Variants in MLH3 observed in about 807,000 individuals in gnomAD.
The protein encoded by MLH3 is DNA mismatch repair protein Mlh3.
MLH3 carries 82 observed loss-of-function variants against 122.2 expected under a neutral mutation model. The observed-to-expected ratio is 0.67, with a 90% CI of 0.56 to 0.81. The LOEUF (loss-of-function observed/expected upper bound fraction) is 0.81, where lower values mean the gene tolerates loss of function less well. Ranked by LOEUF, MLH3 falls within the 30% of genes least tolerant of loss-of-function variation. The pLI, the probability that MLH3 is intolerant of heterozygous loss-of-function variation, is 0.00. For synonymous variants in MLH3, 524 were observed against 599.5 expected (o/e 0.87, Z 1.84); for missense variants, 1,539 against 1,714.5 (o/e 0.90, Z 1.81).
Position 75,047,375 on chromosome 14 carries a change from A to G in MLH3, c.2281T>C (p.Tyr761His). ...LGSLEKFKRQ[Y>H]GKVENPLDTE... ...TCCAGAGGATTTTCAACCTTCCCAT[A>G]TTGCCTCTTAAACTTCTCTAAAGAT... is the stretch of plus-strand genomic sequence containing the variant. Residue 761 changes from tyrosine (Y) to histidine (H), a missense_variant, in exon 2 of 13, where the codon TAT (tyrosine) becomes CAT (histidine). Tyr to His is a moderately conservative substitution (Grantham distance 83). Transcript: ENST00000355774. The G allele has an allele frequency of 6.2e-7, 1 of 1,614,012 alleles. No individual in the cohort carries two copies. Among genetic ancestry groups the G allele is most frequent in the Non-Finnish European group, 8.5e-7 (1 of 1,179,980 alleles).
At position 75,019,069 on chromosome 14, in the gene MLH3, G is replaced by C. The variant is rs1890093287; in HGVS notation, c.4091-89C>G. The C allele has an allele frequency of 1.7e-5, 20 of 1,206,240 alleles. No homozygotes were observed. In the South Asian group the frequency reaches 2.5e-4, roughly 15 times the overall value. 74.7% of individuals were successfully genotyped at this position (1,206,240 alleles called of 1,614,324 possible). ...GGTCACTGCCAAATATCTGGAAAAAGTAACATGTTTCTTAGGCTTCTTTAA... is the reference window on the plus strand; with the variant it reads ...GGTCACTGCCAAATATCTGGAAAAACTAACATGTTTCTTAGGCTTCTTTAA... On this transcript the variant is annotated intron_variant, in intron 11 of 12. Transcript: ENST00000355774.
chr14:75,019,095 T>A, intron 11 of MLH3, 115 bp from the exon 12 acceptor site: 2 of 970,888 alleles, frequency 2.1e-6, no homozygotes, highest in African/African-American at 1.6e-5. Context: ...GCTTCTTTAA[T>A]GAAGCTTTAA....
Position 75,047,846 on chromosome 14 carries a change from A to G in MLH3, c.1810T>C (p.Cys604Arg). 6.2e-7 allele frequency: 1 copy of G among 1,613,142 alleles called. No individual in the cohort carries two copies. Among genetic ancestry groups the G allele is most frequent in the African/African-American group, 1.3e-5 (1 of 74,996 alleles). Residue 604 changes from cysteine (C) to arginine (R), a missense_variant, in exon 2 of 13, where the codon TGT becomes CGT. Coordinates refer to ENST00000355774, the MANE Select transcript of MLH3 (RefSeq NM_001040108.2). ...ACATGAGTTATAAAGCCAGTGGAAC[A>G]TAATTTAACTCGCCCATAACTAAAA... ...NVFSYGRVKLCSTGFITHVVQ... is the reference protein window; with the variant it reads ...NVFSYGRVKLRSTGFITHVVQ...
intron 12 of MLH3, among the ~76,000 whole-genome samples, chr14:75,018,202 T>C (rs28757055): frequency 3.2e-4 from 48 of 152,330 alleles, no homozygotes; most frequent in African/African-American, 1.0e-3. Context: ...ATTCCTGTTA[T>C]GTTCTCCATG....
rs1455571986 is a variant in MLH3, at chr14:75,047,616, A to G, written c.2040T>C (p.Ser680=). Residue 680 remains serine, a synonymous_variant, in exon 2 of 13, where the codon AGT becomes AGC. Transcript: ENST00000355774. The part of the protein sequence containing the change: ...PNKKNCRTNI[S]YGLENEPTAT... ...CTGTAGGTTCATTCTCTAGCCCATA[A>G]CTTATATTCGTTCTGCAATTTTTTT... The G allele has an allele frequency of 6.2e-7, 1 of 1,613,956 alleles. No homozygotes were observed. Among genetic ancestry groups the G allele is most frequent in the African/African-American group, 1.3e-5 (1 of 74,926 alleles).
chr14:75,033,546 G>T, intron 6 of MLH3, 56 bp from the exon 7 acceptor site: 1 of 1,332,330 alleles, frequency 7.5e-7, no homozygotes, highest in Non-Finnish European at 1.1e-6. Context: ...CAACCATCAT[G>T]TGTGTTGAGG....
chr14:75,032,840 A>AT (rs1242028186), intron 7 of MLH3, among the ~76,000 whole-genome samples: 1 of 150,442 alleles, frequency 6.6e-6, no homozygotes, highest in Non-Finnish European at 1.5e-5. Context: ...GCAAAAAAAA[A>AT]CATTTAAAAA....
intron 6 of MLH3, 31 bp downstream of exon 6, chr14:75,038,309 G>C: frequency 6.7e-7 from 1 of 1,486,754 alleles, no homozygotes; most frequent in Non-Finnish European, 9.4e-7. Context: ...AGACCAGCTG[G>C]TTAATCATTC....
At chr14:75,019,044 G>T in intron 11 of MLH3, 64 bp from the exon 12 acceptor site, 1 of 1,409,568 alleles carries the variant, frequency 7.1e-7, no homozygotes, top group East Asian at 2.3e-5. Context: ...GCTGACCTTG[G>T]GTCACTGCCA....
At chr14:75,024,709 C>T (rs1357866115) in intron 9 of MLH3, among the ~76,000 whole-genome samples, 1 of 152,164 alleles carries the variant, frequency 6.6e-6, no homozygotes, top group Admixed American at 6.5e-5. Context: ...CAGCTTCTTC[C>T]AGAATCACAC....
intron 9 of MLH3, among the ~76,000 whole-genome samples, chr14:75,027,663 G>GAAAA (rs1890720238): frequency 7.7e-5 from 1 of 12,952 alleles, no homozygotes; most frequent in African/African-American, 2.1e-4. Flanking sequence ...ATTTACTTCA[G>GAAAA]TAAAAAAAAA....
chr14:75,016,555 A>C lies in MLH3; in HGVS notation c.*527T>G, dbSNP rs1167633322. 5.0e-6 allele frequency: 1 copy of C among 199,664 alleles called. No homozygotes were observed. The highest frequency in any genetic ancestry group is 2.3e-5 in the African/African-American group (1 of 42,742). 12.4% of individuals were successfully genotyped at this position (199,664 alleles called of 1,614,324 possible). Reference sequence around the variant, plus strand: ...AGAGAATGTTTTCACTGTAGTAGAGAAACTCTTTAAGTCTGAGATGTAGCA... The same window carrying C: ...AGAGAATGTTTTCACTGTAGTAGAGCAACTCTTTAAGTCTGAGATGTAGCA... On this transcript the variant is annotated 3_prime_UTR_variant, in exon 13 of 13. Transcript: ENST00000355774.
At chr14:75,046,179 CAAAAAAA>C (rs138141680) in intron 2 of MLH3, among the ~76,000 whole-genome samples, 190 bp downstream of exon 2, 2 of 53,750 alleles carry the variant, frequency 3.7e-5, no homozygotes, top group Non-Finnish European at 7.9e-5. Context: ...GACTCCGTCT[CAAAAAAA>C]AAAAAAAAAA....
chr14:75,022,789 AT>A, intron 11 of MLH3, 24 bp downstream of exon 11: 1 of 1,609,772 alleles, frequency 6.2e-7, no homozygotes, highest in Non-Finnish European at 8.5e-7. Context: ...GAGGTGTTTG[AT>A]CACTGCTATG....
At chr14:75,021,199 C>A (rs1256724795) in intron 11 of MLH3, among the ~76,000 whole-genome samples, 4 of 152,184 alleles carry the variant, frequency 2.6e-5, no homozygotes, top group Non-Finnish European at 1.5e-5. Flanking sequence ...TTTACAAAAA[C>A]CCTAGAAGAA....
At chr14:75,037,059 A>AG (rs924181314) in intron 6 of MLH3, among the ~76,000 whole-genome samples, 1 of 151,940 alleles carries the variant, frequency 6.6e-6, no homozygotes, top group African/African-American at 2.4e-5. Flanking sequence ...AAAAAATGAA[A>AG]AAAAAAAGCT....
At position 75,016,675 on chromosome 14, in the gene MLH3, C is replaced by A; in HGVS notation, c.*407G>T. 1 of 310,772 alleles carries A rather than the reference C, an allele frequency of 3.2e-6. No homozygotes were observed. Among genetic ancestry groups the A allele is most frequent in the Non-Finnish European group, 6.2e-6 (1 of 161,506 alleles). 19.3% of individuals were successfully genotyped at this position (310,772 alleles called of 1,614,324 possible). A position where few individuals can be genotyped will look rare whatever the true frequency, so the allele number is the denominator to read the frequency against. ...GGGCAGCCTGGGAAGGCAGACTACC[C>A]CTTGGACTTGAGCATCAGCTGAATT... On this transcript the variant is annotated 3_prime_UTR_variant, in exon 13 of 13. Transcript: ENST00000355774.
At position 75,016,023 on chromosome 14, in the gene MLH3, T is replaced by C. The variant is rs545209328; in HGVS notation, c.*1059A>G. On this transcript the variant is annotated 3_prime_UTR_variant, in exon 13 of 13. Coordinates refer to ENST00000355774, the MANE Select transcript of MLH3 (RefSeq NM_001040108.2). ...ACCAGCTGGCTTTTTGCATTTTTTT[T>C]CTACTATGCAATTTTAGTCTGTTGA... The C allele has an allele frequency of 4.3e-6, 1 of 230,802 alleles. No individual in the cohort carries two copies. The highest frequency in any genetic ancestry group is 6.2e-5 in the East Asian group (1 of 16,172). The allele number at this position is 230,802 out of a possible 1,614,324, so 14.3% of individuals were successfully genotyped here.
At chr14:75,039,845 CCATATATATATATATA>C in intron 5 of MLH3, 50 bp downstream of exon 5, 1 of 316,484 alleles carries the variant, frequency 3.2e-6, no homozygotes. Context: ...AAGAGTTAGG[CCATATATATATATATA>C]TATATATATA....
Sources: allele counts gnomAD v4.1 joint callset (sites outside exome capture counted in the v4.1 genomes callset), GRCh38; gene constraint gnomAD v4.1.1; transcripts MANE v1.5; gene names NCBI Gene and HGNC (gene_info 2026-07-23, HGNC 2026-07-21).